Variants in MCU observed in about 807,000 individuals in gnomAD.
MCU encodes the protein calcium uniporter protein, mitochondrial.
In MCU, 12 loss-of-function variants were observed where a neutral mutation model predicts 45.2. The observed-to-expected ratio is 0.27, with a 90% CI of 0.17 to 0.43. MCU has a LOEUF of 0.43. Among genes scored for constraint, MCU ranks in the 20% least tolerant of loss-of-function variants. The pLI, the probability that MCU is intolerant of heterozygous loss-of-function variation, is 1.00. For synonymous variants in MCU, 160 were observed against 165.1 expected, an observed-to-expected ratio of 0.97 and a Z score of 0.24; for missense variants, 324 against 436.7, an observed-to-expected ratio of 0.74 and a Z score of 2.30.
chr10:72,745,245 T>G (rs1277934319), intron 1 of MCU, among the ~76,000 whole-genome samples: 1 of 152,198 alleles, frequency 6.6e-6, no homozygotes, highest in Non-Finnish European at 1.5e-5. Context: ...TTTTTTTTTT[T>G]GAGATGGAGT....
chr10:72,883,432 G>T (rs1160559976), intron 6 of MCU, among the ~76,000 whole-genome samples: 1 of 152,114 alleles, frequency 6.6e-6, no homozygotes, highest in African/African-American at 2.4e-5. Flanking sequence ...ACAGCAGAAT[G>T]GCTAACGTCT....
chr10:72,725,893 A>C (rs1843092193), intron 1 of MCU, among the ~76,000 whole-genome samples: 2 of 152,120 alleles, frequency 1.3e-5, no homozygotes, highest in Admixed American at 1.3e-4. Flanking sequence ...AAAAAAAAGA[A>C]AAAAAATTAA....
At chr10:72,841,446 C>T (rs1393990677) in intron 2 of MCU, among the ~76,000 whole-genome samples, 3 of 152,076 alleles carry the variant, frequency 2.0e-5, no homozygotes, top group African/African-American at 7.2e-5. Flanking sequence ...TACAGGCACC[C>T]GCCACCATGC....
In MCU at chr10:72,812,392, C is replaced by A. The variant is rs542660027; in HGVS notation, c.151-21967C>A. Among the ~76,000 whole-genome samples, 18 of 152,256 alleles carry A rather than the reference C, an allele frequency of 1.2e-4. No individual in the cohort carries two copies. In the South Asian group the frequency reaches 1.5e-3, roughly 12 times the overall value. On this transcript the variant is annotated intron_variant, in intron 1 of 7. Transcript: ENST00000373053. ...AACTCCTGAGCTCAGGTGATCCGCCCGCCTCGGCTTCCCAAAGTGCTGGGA... is the reference window on the plus strand; with the variant it reads ...AACTCCTGAGCTCAGGTGATCCGCCAGCCTCGGCTTCCCAAAGTGCTGGGA...
intron 7 of MCU, 67 bp downstream of exon 7, chr10:72,884,449 C>A: frequency 2.3e-6 from 2 of 873,694 alleles, no homozygotes; most frequent in Non-Finnish European, 3.8e-6. Context: ...TTATCCACAG[C>A]CACGGTTCTT....
chr10:72,862,986 C>T (rs1246761012), intron 4 of MCU, among the ~76,000 whole-genome samples: 2 of 151,980 alleles, frequency 1.3e-5, no homozygotes, highest in Non-Finnish European at 2.9e-5. Context: ...TATTAAATTC[C>T]TCTATAATCT....
At chr10:72,767,165 A>C (rs1296430402) in intron 1 of MCU, 1 of 152,144 alleles carries the variant, frequency 6.6e-6, no homozygotes, top group Admixed American at 6.5e-5. Flanking sequence ...TGTGAAAAGG[A>C]TGATTTCATG....
chr10:72,715,191 A>G, intron 1 of MCU: 11 of 985,240 alleles, frequency 1.1e-5, no homozygotes, highest in Non-Finnish European at 1.3e-5. Flanking sequence ...GTGACATCTT[A>G]GCTGCTAGAG....
intron 6 of MCU, among the ~76,000 whole-genome samples, chr10:72,875,612 A>G (rs889787349): frequency 6.6e-6 from 1 of 152,258 alleles, no homozygotes; most frequent in African/African-American, 2.4e-5. Flanking sequence ...GTTCAATGGC[A>G]TTTAAACTCT....
chr10:72,829,687 A>T (rs1844851931), intron 1 of MCU, among the ~76,000 whole-genome samples: 1 of 152,020 alleles, frequency 6.6e-6, no homozygotes, highest in Admixed American at 6.6e-5. Context: ...CATGTTAAAA[A>T]TACAAAATTT....
At chr10:72,805,161 G>GTC (rs1189878221) in intron 1 of MCU, among the ~76,000 whole-genome samples, 45 of 31,002 alleles carry the variant, frequency 1.5e-3, no homozygotes, top group Non-Finnish European at 2.2e-3. Flanking sequence ...CTTTCTTTCT[G>GTC]TCTCTCTCTC....
Position 72,871,455 on chromosome 10 carries a change from C to T in MCU, c.736C>T (p.Gln246Ter). The T allele has an allele frequency of 6.2e-7, 1 of 1,614,168 alleles. No homozygotes were observed. Among genetic ancestry groups the T allele is most frequent in the Non-Finnish European group, 8.5e-7 (1 of 1,180,028 alleles). The change falls in exon 6 of 8, where the codon CAG becomes TAG. Residue 246 changes from glutamine to a stop codon, truncating the protein, a stop_gained. Coordinates refer to ENST00000373053, the MANE Select transcript of MCU (RefSeq NM_138357.3). LOFTEE classifies it high-confidence loss of function. ...LWGGLAYMATQFGILARLTWW... is the reference protein window; with the variant it reads ...LWGGLAYMAT ...GGGTGGCCTTGCCTACATGGCCACA[C>T]AGTTTGGCATTTTGGCCCGGCTTAC... is the stretch of plus-strand genomic sequence containing the variant.
At chr10:72,714,241 A>G (rs906397068) in intron 1 of MCU, among the ~76,000 whole-genome samples, 1 of 151,580 alleles carries the variant, frequency 6.6e-6, no homozygotes, top group Non-Finnish European at 1.5e-5. Context: ...CTGGGATTAC[A>G]GGCATGAGCT....
intron 2 of MCU, among the ~76,000 whole-genome samples, chr10:72,857,599 T>C (rs894093967): frequency 6.6e-6 from 1 of 152,118 alleles, no homozygotes; most frequent in African/African-American, 2.4e-5. Flanking sequence ...CACCCAAAAT[T>C]ACAGAGCCAA....
intron 6 of MCU, among the ~76,000 whole-genome samples, chr10:72,873,005 T>G (rs1441472892): frequency 6.7e-6 from 1 of 148,918 alleles, no homozygotes; most frequent in Non-Finnish European, 1.5e-5. Flanking sequence ...TGTTTTTTTG[T>G]TTTTTGGGTT....
intron 1 of MCU, among the ~76,000 whole-genome samples, chr10:72,740,630 A>G (rs1451712532): frequency 1.3e-5 from 2 of 152,114 alleles, no homozygotes; most frequent in African/African-American, 4.8e-5. Flanking sequence ...TCCTATTTAT[A>G]TTTTGCATGT....
At chr10:72,745,961 A>G (rs1843409719) in intron 1 of MCU, among the ~76,000 whole-genome samples, 1 of 152,104 alleles carries the variant, frequency 6.6e-6, no homozygotes, top group South Asian at 2.1e-4. Flanking sequence ...CCTCCAGAAC[A>G]TCTTCATTAT....
intron 2 of MCU, among the ~76,000 whole-genome samples, chr10:72,858,382 C>T (rs1404111464): frequency 6.6e-6 from 1 of 152,146 alleles, no homozygotes; most frequent in Non-Finnish European, 1.5e-5. Context: ...ACTGCGCATT[C>T]TCTGTAGACT....
Position 72,885,738 on chromosome 10 carries a change from ATTTT to A in MCU, c.979-6_979-3del. On this transcript the variant is annotated splice_polypyrimidine_tract_variant and splice_region_variant and intron_variant, in intron 7 of 7. Coordinates refer to ENST00000373053, the MANE Select transcript of MCU (RefSeq NM_138357.3). ...GCCAGTTTTCTCACCTTTTGTTTCTATTTTAGGCAGAAATGGACCTTAAGAGACT... is the reference window on the plus strand; with the variant it reads ...GCCAGTTTTCTCACCTTTTGTTTCTAAGGCAGAAATGGACCTTAAGAGACT... The A allele has an allele frequency of 6.2e-7, 1 of 1,607,720 alleles. No individual in the cohort carries two copies. The highest frequency in any genetic ancestry group is 8.5e-7 in the Non-Finnish European group (1 of 1,175,116).
Sources: allele counts gnomAD v4.1 joint callset (sites outside exome capture counted in the v4.1 genomes callset), GRCh38; gene constraint gnomAD v4.1.1; transcripts MANE v1.5; gene names NCBI Gene and HGNC (gene_info 2026-07-23, HGNC 2026-07-21).